NOL4L: variants seen among roughly 807,000 people sequenced by gnomAD.
NOL4L encodes the protein nucleolar protein 4-like.
In NOL4L, 7 loss-of-function variants were observed where a neutral mutation model predicts 64.5. The ratio of observed to expected loss-of-function variants is 0.11; its 90% CI spans 0.06 to 0.20. NOL4L has a LOEUF of 0.20. Among genes scored for constraint, NOL4L ranks in the 10% least tolerant of loss-of-function variants. The pLI is 1.00. For missense variants in NOL4L, 680 were observed against 967.1 expected, an observed-to-expected ratio of 0.70 and a Z score of 3.94; for synonymous variants, 413 against 401.0, an observed-to-expected ratio of 1.03 and a Z score of -0.36.
At chr20:32,558,282 T>G (rs927754435) in intron 1 of NOL4L, among the ~76,000 whole-genome samples, 1 of 152,126 alleles carries the variant, frequency 6.6e-6, no homozygotes, top group Non-Finnish European at 1.5e-5. Context: ...TCACTTCAAC[T>G]TATGGGCCTC....
At chr20:32,525,555 T>C (rs1234851506) in intron 2 of NOL4L, among the ~76,000 whole-genome samples, 1 of 152,238 alleles carries the variant, frequency 6.6e-6, no homozygotes. Context: ...TAGGAAGTGC[T>C]GGTGTAGAGC....
chr20:32,497,040 T>C (rs375829219), intron 4 of NOL4L, among the ~76,000 whole-genome samples: 57 of 122,672 alleles, frequency 4.6e-4, no homozygotes, highest in African/African-American at 1.8e-3. Context: ...AAAGCAATAC[T>C]GTGCCCTCCT....
chr20:32,462,777 C>T (rs141847334), intron 5 of NOL4L, among the ~76,000 whole-genome samples: 142 of 151,766 alleles, frequency 9.4e-4, no homozygotes, highest in African/African-American at 3.3e-3. Context: ...TGGTGGTGCA[C>T]GCCTGTAGTC....
intron 4 of NOL4L, among the ~76,000 whole-genome samples, chr20:32,488,795 CTTTCTTTCTT>C (rs1363352903): frequency 3.0e-4 from 14 of 47,078 alleles, no homozygotes; most frequent in Non-Finnish European, 4.2e-4. Flanking sequence ...TCCTTCCTTT[CTTTCTTTCTT>C]TTTCTTTCTT....
intron 4 of NOL4L, chr20:32,483,545 G>A (rs1205252990): frequency 2.0e-6 from 2 of 978,890 alleles, no homozygotes; most frequent in African/African-American, 3.6e-5. Context: ...GCCAGGAGGA[G>A]GGCCCAGGCG....
chr20:32,496,637 G>C (rs1036944735), intron 4 of NOL4L, among the ~76,000 whole-genome samples: 1 of 151,660 alleles, frequency 6.6e-6, no homozygotes, highest in Non-Finnish European at 1.5e-5. Context: ...TGCAACCTCT[G>C]CCTCCCAGGT....
At chr20:32,535,573 C>G (rs1328976075) in intron 1 of NOL4L, 7 of 985,426 alleles carry the variant, frequency 7.1e-6, no homozygotes, top group Non-Finnish European at 8.4e-6. Context: ...TTCGCTGAAC[C>G]TCCATCTTCT....
At chr20:32,558,197 G>T (rs193114294) in intron 1 of NOL4L, among the ~76,000 whole-genome samples, 87 of 152,354 alleles carry the variant, frequency 5.7e-4, no homozygotes, top group African/African-American at 2.1e-3. Context: ...CAGTGCCACT[G>T]CCCTGTGTCA....
rs573806112 is a variant in NOL4L, at chr20:32,574,758, T to C, written c.321+9812A>G. On this transcript the variant is annotated intron_variant, in intron 1 of 10. Coordinates refer to ENST00000621426, the MANE Select transcript of NOL4L (RefSeq NM_001256798.2). ...TGGAGAGGGGGCCCGGGTAACACGA[T>C]GACTCCCGCGCTGGCCCCGAGGCCT... 4.0e-4 allele frequency among the ~76,000 whole-genome samples: 60 copies of C among 151,596 alleles called. 1 individual carries two copies. The South Asian group carries it at 0.011, about 27-fold the overall frequency.
intron 3 of NOL4L, chr20:32,519,974 T>G (rs2017854523): frequency 6.6e-6 from 1 of 152,198 alleles, no homozygotes; most frequent in African/African-American, 2.4e-5. Context: ...GTGCCCAGCC[T>G]GCCCTGGTCA....
At chr20:32,488,445 T>C (rs2016189517) in intron 4 of NOL4L, among the ~76,000 whole-genome samples, 1 of 152,230 alleles carries the variant, frequency 6.6e-6, no homozygotes, top group African/African-American at 2.4e-5. Flanking sequence ...ACTTGGTAGA[T>C]GGTAGCTTTT....
intron 5 of NOL4L, among the ~76,000 whole-genome samples, chr20:32,471,312 T>C (rs1170691738): frequency 1.7e-4 from 20 of 117,242 alleles, no homozygotes; most frequent in African/African-American, 3.7e-4. Context: ...GGCATGCTCC[T>C]GGGGAGTGAG....
chr20:32,581,559 A>T (rs557666121), intron 1 of NOL4L, among the ~76,000 whole-genome samples: 7 of 152,168 alleles, frequency 4.6e-5, no homozygotes, highest in Admixed American at 1.3e-4. Context: ...CACCATGGCC[A>T]CCCTGGGGAC....
chr20:32,584,105 C>A (rs1390145963), intron 1 of NOL4L, among the ~76,000 whole-genome samples: 20 of 141,308 alleles, frequency 1.4e-4, no homozygotes, highest in Non-Finnish European at 3.0e-4. Context: ...TCCCCCCCCC[C>A]CACCCCGCGG....
chr20:32,477,670 G>A (rs1568633289), intron 4 of NOL4L, among the ~76,000 whole-genome samples: 1 of 152,214 alleles, frequency 6.6e-6, no homozygotes, highest in Non-Finnish European at 1.5e-5. Context: ...TTCTTGAATG[G>A]AGGGCATATG....
At chr20:32,458,182 CTGAG>C (rs2145440860) in intron 5 of NOL4L, among the ~76,000 whole-genome samples, 1 of 152,324 alleles carries the variant, frequency 6.6e-6, no homozygotes, top group African/African-American at 2.4e-5. Flanking sequence ...TTTCCTGTAG[CTGAG>C]TAAGAGTCCG....
intron 5 of NOL4L, among the ~76,000 whole-genome samples, chr20:32,472,478 G>A (rs2015094574): frequency 6.6e-6 from 1 of 152,178 alleles, no homozygotes; most frequent in Admixed American, 6.5e-5. Flanking sequence ...GCCTAGTCCT[G>A]CGTCAATAAC....
chr20:32,512,263 T>C (rs2017442417), intron 3 of NOL4L, among the ~76,000 whole-genome samples: 1 of 152,174 alleles, frequency 6.6e-6, no homozygotes, highest in Non-Finnish European at 1.5e-5. Context: ...ATTATGATAC[T>C]TGCCAGACCC....
At position 32,509,770 on chromosome 20, in the gene NOL4L, C is replaced by T. The variant is rs143443860; in HGVS notation, c.699+1577G>A. On this transcript the variant is annotated intron_variant, in intron 4 of 10. Transcript: ENST00000621426. ...GAGATCGCAACTTGCACGACACTGA[C>T]CACTACTGGTTCTAGTGGTGACCTG... The T allele has an allele frequency of 2.6e-5, 34 of 1,295,864 alleles. No individual in the cohort carries two copies. In the African/African-American group the frequency reaches 4.9e-4, roughly 19 times the overall value. The allele number at this position is 1,295,864 out of a possible 1,614,324, so 80.3% of individuals were successfully genotyped here.
Sources: allele counts gnomAD v4.1 joint callset (sites outside exome capture counted in the v4.1 genomes callset), GRCh38; gene constraint gnomAD v4.1.1; transcripts MANE v1.5; gene names NCBI Gene and HGNC (gene_info 2026-07-23, HGNC 2026-07-21).